Variants in RNF144A observed in about 807,000 individuals in gnomAD.
The protein encoded by RNF144A is ring finger protein 144A.
A neutral mutation model predicts 38.7 loss-of-function variants in RNF144A; 11 were observed. The ratio of observed to expected loss-of-function variants is 0.28; its 90% CI spans 0.18 to 0.47. RNF144A has a LOEUF of 0.47. Among genes scored for constraint, RNF144A ranks in the 20% least tolerant of loss-of-function variants. The pLI is 0.99. For synonymous variants in RNF144A, 149 were observed against 143.9 expected (o/e 1.04, Z -0.25); for missense variants, 316 against 377.2 (o/e 0.84, Z 1.34).
intron 2 of RNF144A, among the ~76,000 whole-genome samples, chr2:6,953,022 C>G (rs181135588): frequency 6.5e-4 from 99 of 152,226 alleles, no homozygotes; most frequent in Admixed American, 1.0e-3. Context: ...TACAGGTCTT[C>G]TTTTGCTCTC....
chr2:7,030,235 G>A lies in RNF144A; in HGVS notation c.747+20G>A, dbSNP rs1672197322. On this transcript the variant is annotated intron_variant, in intron 8 of 8. Transcript: ENST00000320892. ...ACACAGGTAGGAGGTGATTTGCCTG[G>A]AAGGTTGATCTCAGAGAGAGACTGT... The A allele has an allele frequency of 2.0e-6, 3 of 1,534,076 alleles. No individual in the cohort carries two copies. In the African/African-American group the frequency reaches 4.1e-5, roughly 21 times the overall value.
chr2:6,991,626 G>A (rs924328788), intron 2 of RNF144A, among the ~76,000 whole-genome samples: 4 of 152,106 alleles, frequency 2.6e-5, no homozygotes, highest in African/African-American at 4.8e-5. Flanking sequence ...AATCCTCTCC[G>A]AACCTTGGTT....
In RNF144A at chr2:7,040,647, C is replaced by T. The variant is rs1024383572; in HGVS notation, c.*887C>T. On this transcript the variant is annotated 3_prime_UTR_variant, in exon 9 of 9. Coordinates refer to ENST00000320892, the MANE Select transcript of RNF144A (RefSeq NM_014746.6). ...CACTGCTTTGCTCGGCAATGGTTCTCCTCCGAATTGCTGCCGTCTGGCCTC... is the reference window on the plus strand; with the variant it reads ...CACTGCTTTGCTCGGCAATGGTTCTTCTCCGAATTGCTGCCGTCTGGCCTC... The T allele has an allele frequency of 2.0e-6, 2 of 985,262 alleles. No homozygotes were observed. The highest frequency in any genetic ancestry group is 1.7e-5 in the African/African-American group (1 of 57,240). The allele number at this position is 985,262 out of a possible 1,614,324, so 61.0% of individuals were successfully genotyped here. A position where few individuals can be genotyped will look rare whatever the true frequency, so the allele number is the denominator to read the frequency against.
At chr2:6,950,688 T>G (rs10192053) in intron 2 of RNF144A, among the ~76,000 whole-genome samples, 89,007 of 152,148 alleles carry the variant, frequency 0.59, 30,619 homozygotes, top group Non-Finnish European at 0.77. Context: ...CCTTTAAAAT[T>G]TATGCCTTTC....
chr2:6,934,389 T>G (rs1264199203), intron 1 of RNF144A, among the ~76,000 whole-genome samples: 1 of 152,238 alleles, frequency 6.6e-6, no homozygotes, highest in Non-Finnish European at 1.5e-5. Flanking sequence ...ATTAGAAGTA[T>G]TAATTCTTCA....
intron 1 of RNF144A, among the ~76,000 whole-genome samples, chr2:6,925,407 C>T (rs1664794408): frequency 6.6e-6 from 1 of 152,138 alleles, no homozygotes; most frequent in South Asian, 2.1e-4. Flanking sequence ...TTTATTTAAT[C>T]CATTGTGAGA....
At chr2:7,009,801 C>T (rs2460403) in intron 3 of RNF144A, among the ~76,000 whole-genome samples, 37,233 of 152,064 alleles carry the variant, frequency 0.24, 5,699 homozygotes, top group Non-Finnish European at 0.35. Context: ...GCTGAGGACC[C>T]GGCTTGTATG....
chr2:7,027,805 A>T (rs1169852926), intron 7 of RNF144A, among the ~76,000 whole-genome samples: 1 of 152,274 alleles, frequency 6.6e-6, no homozygotes, highest in Non-Finnish European at 1.5e-5. Context: ...GGGCATCATC[A>T]ATAAACTAAA....
rs189106130 is a variant in RNF144A at position 7,036,799 on chromosome 2, C to T, written c.748-2830C>T. Among the ~76,000 whole-genome samples, 10 of 152,192 alleles carry T rather than the reference C, an allele frequency of 6.6e-5. No individual in the cohort carries two copies. The East Asian group carries it at 1.9e-3, about 29-fold the overall frequency. The stretch of plus-strand genomic sequence containing the variant: ...CAGATTTTGGCTTAGTTTTCCAAGC[C>T]CTTGAATGTGGTTTGTACAAGAATT... On this transcript the variant is annotated intron_variant, in intron 8 of 8. Transcript: ENST00000320892.
intron 6 of RNF144A, among the ~76,000 whole-genome samples, chr2:7,065,905 G>A (rs1674194294): frequency 6.6e-6 from 1 of 152,178 alleles, no homozygotes; most frequent in African/African-American, 2.4e-5. Flanking sequence ...AGAATTTGCA[G>A]AACTCTAACA....
chr2:6,932,912 G>C (rs138704117), intron 1 of RNF144A: 2 of 152,310 alleles, frequency 1.3e-5, no homozygotes, highest in Admixed American at 1.3e-4. Context: ...ACTCACTGCA[G>C]GGCAACTCTA....
chr2:7,039,436 TAGAG>T (rs1411962773), intron 8 of RNF144A, among the ~76,000 whole-genome samples, 189 bp from the exon 9 acceptor site: 2 of 151,352 alleles, frequency 1.3e-5, no homozygotes, highest in African/African-American at 2.4e-5. Context: ...GATGGATGGA[TAGAG>T]AGATATATGA....
At chr2:6,936,844 A>AGTATGTGTGT (rs1665619346) in intron 1 of RNF144A, among the ~76,000 whole-genome samples, 2 of 144,092 alleles carry the variant, frequency 1.4e-5, no homozygotes, top group Non-Finnish European at 3.0e-5. Flanking sequence ...CACACACAGT[A>AGTATGTGTGT]GTGTGTGTGT....
At chr2:7,003,279 TATAA>T (rs1347133636) in intron 3 of RNF144A, among the ~76,000 whole-genome samples, 2 of 152,308 alleles carry the variant, frequency 1.3e-5, no homozygotes, top group East Asian at 3.9e-4. Context: ...ATAGAGTGTT[TATAA>T]AGTCTGTAGC....
At position 6,982,705 on chromosome 2, in the gene RNF144A, T is replaced by C. The variant is rs1002606599; in HGVS notation, c.-11-14211T>C. On this transcript the variant is annotated intron_variant, in intron 2 of 8. Coordinates refer to ENST00000320892, the MANE Select transcript of RNF144A (RefSeq NM_014746.6). Reference sequence around the variant, plus strand: ...GGCCATGTCTGTAGCAATCAGACGATTGAGAAAGTGGCAACTTCATGGATC... The same window carrying C: ...GGCCATGTCTGTAGCAATCAGACGACTGAGAAAGTGGCAACTTCATGGATC... Among the ~76,000 whole-genome samples, 9 of 152,286 alleles carry C rather than the reference T, an allele frequency of 5.9e-5. No homozygotes were observed. The Middle Eastern group carries it at 0.01, about 173-fold the overall frequency.
downstream of RNF144A, chr2:7,044,179 AC>A (rs1201292416): frequency 2.5e-5 from 25 of 985,160 alleles, no homozygotes; most frequent in Non-Finnish European, 3.0e-5. Flanking sequence ...ACTTTTGTAA[AC>A]CCCGCGTGGC....
intron 2 of RNF144A, among the ~76,000 whole-genome samples, chr2:6,949,762 TCTTAA>T (rs1338292985): frequency 6.6e-6 from 1 of 152,234 alleles, no homozygotes; most frequent in Non-Finnish European, 1.5e-5. Flanking sequence ...TTGCTCTTAA[TCTTAA>T]CTTTTGTATT....
chr2:7,013,387 AT>A (rs1384387144), intron 3 of RNF144A, among the ~76,000 whole-genome samples: 1 of 152,214 alleles, frequency 6.6e-6, no homozygotes, highest in Non-Finnish European at 1.5e-5. Context: ...AATAAAATGG[AT>A]TATACGTTTT....
chr2:6,942,367 A>G (rs1412416164), intron 2 of RNF144A, among the ~76,000 whole-genome samples: 2 of 152,232 alleles, frequency 1.3e-5, no homozygotes, highest in South Asian at 2.1e-4. Context: ...AGACCATCTC[A>G]GAGGACGTTG....
Sources: gnomAD v4.1 joint callset for allele counts (sites outside exome capture counted in the v4.1 genomes callset) on GRCh38, gnomAD v4.1.1 for gene constraint, MANE v1.5 for transcripts, NCBI Gene and HGNC (gene_info 2026-07-23, HGNC 2026-07-21) for gene names.